The following LSM8 variants were observed in gnomAD, a reference collection of about 807,000 sequenced individuals.
LSM8 encodes the protein LSM8 U6 small nuclear RNA associated.
Under a neutral mutation model 15.0 loss-of-function variants are expected in LSM8, and 14 were observed. The observed-to-expected ratio is 0.93, with a 90% CI of 0.62 to 1.46. LSM8 has a LOEUF of 1.46. Ranked by LOEUF, LSM8 falls within the 40% of genes most tolerant of loss-of-function variation. The pLI, the probability that LSM8 is intolerant of heterozygous loss-of-function variation, is 0.00. For missense variants in LSM8, 90 were observed against 115.4 expected, an observed-to-expected ratio of 0.78 and a Z score of 1.01; for synonymous variants, 50 against 42.1, an observed-to-expected ratio of 1.19 and a Z score of -0.73.
chr7:118,200,806 C>T lies in LSM8; in HGVS notation c.*8804C>T, dbSNP rs1809160215. ...GCAATCAACATTTTAATGGAACGAA[C>T]TGAGGTTTGCAATTGCTAATGTTAT... is the stretch of plus-strand genomic sequence containing the variant. On this transcript the variant is annotated 3_prime_UTR_variant, in exon 4 of 4. Transcript: ENST00000249299. Among the ~76,000 whole-genome samples the T allele has an allele frequency of 6.6e-6, 1 of 152,054 alleles. No individual in the cohort carries two copies. Among genetic ancestry groups the T allele is most frequent in the African/African-American group, 2.4e-5 (1 of 41,426 alleles).
rs778885117 is a variant in LSM8, at chr7:118,191,961, G to A, written c.250G>A (p.Gly84Arg). The A allele has an allele frequency of 6.2e-7, 1 of 1,613,046 alleles. No homozygotes were observed. The highest frequency in any genetic ancestry group is 1.7e-5 in the Admixed American group (1 of 59,884). ...AGAAACAGATTCTGCGCTTGATTTG[G>A]GGAATATTCGAGCAGAACCTTTAAA... Reference protein sequence around the residue: ...DEETDSALDLGNIRAEPLNSV... With the variant: ...DEETDSALDLRNIRAEPLNSV... Residue 84 changes from glycine (G) to arginine (R), a missense_variant, in exon 4 of 4, where the codon GGG becomes AGG. Coordinates refer to ENST00000249299, the MANE Select transcript of LSM8 (RefSeq NM_016200.5).
rs947298409 is a variant in LSM8 at position 118,193,421 on chromosome 7, A to C, written c.*1419A>C. On this transcript the variant is annotated 3_prime_UTR_variant, in exon 4 of 4. Coordinates refer to ENST00000249299, the MANE Select transcript of LSM8 (RefSeq NM_016200.5). ...TTTCATTCATATTTTAAAATATTTTAAACTTCATACTTATTAAACATAATA... is the reference window on the plus strand; with the variant it reads ...TTTCATTCATATTTTAAAATATTTTCAACTTCATACTTATTAAACATAATA... Among the ~76,000 whole-genome samples the C allele has an allele frequency of 6.6e-6, 1 of 152,138 alleles. No individual in the cohort carries two copies. The highest frequency in any genetic ancestry group is 2.1e-4 in the South Asian group (1 of 4,826).
chr7:118,184,209 G>A lies in LSM8; in HGVS notation c.-15G>A, dbSNP rs1359650279. 6.5e-7 allele frequency: 1 copy of A among 1,542,204 alleles called. No homozygotes were observed. The highest frequency in any genetic ancestry group is 2.5e-5 in the East Asian group (1 of 39,382). ...CGGCACCGCTGCGTTACCCGGAACC[G>A]CCGGGCCGAACAGCATGACGTCCGC... On this transcript the variant is annotated 5_prime_UTR_variant, in exon 1 of 4. Coordinates refer to ENST00000249299, the MANE Select transcript of LSM8 (RefSeq NM_016200.5).
In LSM8 at chr7:118,194,193, A is replaced by G. The variant is rs369296402; in HGVS notation, c.*2191A>G. 3.1e-4 allele frequency among the ~76,000 whole-genome samples: 47 copies of G among 152,144 alleles called. 2 individuals are homozygous for G. The highest frequency in any genetic ancestry group is 1.1e-3 in the African/African-American group (45 of 41,542). On this transcript the variant is annotated 3_prime_UTR_variant, in exon 4 of 4. Transcript: ENST00000249299. Reference sequence around the variant, plus strand: ...TTATATTTAATGAGACATTTATTCTATAATCAGTTCTTATTTATAAAGAGG... The same window carrying G: ...TTATATTTAATGAGACATTTATTCTGTAATCAGTTCTTATTTATAAAGAGG...
Position 118,195,170 on chromosome 7 carries a change from C to CTG in LSM8, c.*3172_*3173dup, listed in dbSNP as rs963963657. Among the ~76,000 whole-genome samples the CTG allele has an allele frequency of 6.6e-5, 10 of 152,220 alleles. No individual in the cohort carries two copies. The highest frequency in any genetic ancestry group is 2.4e-4 in the African/African-American group (10 of 41,550). ...GGCCCTACTCGTTGTGGTTCAGCAGCTGTGTAATGGAGCAAAAAGGAATAG... is the reference window on the plus strand; with the variant it reads ...GGCCCTACTCGTTGTGGTTCAGCAGCTGTGTGTAATGGAGCAAAAAGGAATAG... On this transcript the variant is annotated 3_prime_UTR_variant, in exon 4 of 4. Coordinates refer to ENST00000249299, the MANE Select transcript of LSM8 (RefSeq NM_016200.5).
In LSM8 at chr7:118,192,197, C is replaced by T; in HGVS notation, c.*195C>T. ...TTTTGCCTAAATATAAGTTTGGTAG[C>T]TTGGTTTCTTTTTTTTATTAAATAG... is the stretch of plus-strand genomic sequence containing the variant. On this transcript the variant is annotated 3_prime_UTR_variant, in exon 4 of 4. Transcript: ENST00000249299. The T allele has an allele frequency of 2.7e-6, 1 of 374,280 alleles. No homozygotes were observed. The highest frequency in any genetic ancestry group is 4.7e-6 in the Non-Finnish European group (1 of 213,562). The allele number at this position is 374,280 out of a possible 1,614,324, so 23.2% of individuals were successfully genotyped here. A position where few individuals can be genotyped will look rare whatever the true frequency, so the allele number is the denominator to read the frequency against.
rs1022681831 is a variant in LSM8, at chr7:118,193,972, T to C, written c.*1970T>C. Among the ~76,000 whole-genome samples, 2 of 152,134 alleles carry C rather than the reference T, an allele frequency of 1.3e-5. No homozygotes were observed. The highest frequency in any genetic ancestry group is 4.8e-5 in the African/African-American group (2 of 41,462). On this transcript the variant is annotated 3_prime_UTR_variant, in exon 4 of 4. Transcript: ENST00000249299. The stretch of plus-strand genomic sequence containing the variant: ...GGAAAAAGCATTCCCAAAATGTGAA[T>C]TATTGTTTTTATGAATAGTTACAGA...
chr7:118,186,034 C>T (rs541461867), intron 2 of LSM8, among the ~76,000 whole-genome samples: 4 of 152,106 alleles, frequency 2.6e-5, no homozygotes, highest in Admixed American at 2.0e-4. Context: ...TTTGCATATG[C>T]TTAGTAACTT....
rs11543742 is a variant in LSM8, at chr7:118,193,995, A to G, written c.*1993A>G. Reference sequence around the variant, plus strand: ...AATTATTGTTTTTATGAATAGTTACAGAGGATGTGATGACAATATGCCAGA... The same window carrying G: ...AATTATTGTTTTTATGAATAGTTACGGAGGATGTGATGACAATATGCCAGA... On this transcript the variant is annotated 3_prime_UTR_variant, in exon 4 of 4. Transcript: ENST00000249299. Among the ~76,000 whole-genome samples, 109,261 of 151,998 alleles carry G rather than the reference A, an allele frequency of 0.72. 39,545 individuals are homozygous for G. The highest frequency in any genetic ancestry group is 0.85 in the South Asian group (4,084 of 4,826).
In LSM8 at chr7:118,195,260, GTC is replaced by G. The variant is rs1809060674; in HGVS notation, c.*3262_*3263del. Among the ~76,000 whole-genome samples, 1 of 152,154 alleles carries G rather than the reference GTC, an allele frequency of 6.6e-6. No homozygotes were observed. Among genetic ancestry groups the G allele is most frequent in the Non-Finnish European group, 1.5e-5 (1 of 68,018 alleles). Reference sequence around the variant, plus strand: ...ACCTAGCACTTACCTGCTGGGATGAGTCTCTAACCCCACAGAATTGATTTCAA... The same window carrying G: ...ACCTAGCACTTACCTGCTGGGATGAGTCTAACCCCACAGAATTGATTTCAA... On this transcript the variant is annotated 3_prime_UTR_variant, in exon 4 of 4. Transcript: ENST00000249299.
Position 118,199,396 on chromosome 7 carries a change from G to A in LSM8, c.*7394G>A, listed in dbSNP as rs372800911. ...CGTTTAAGGGAACATGAATTTGGAT[G>A]CATTGAACAGAATTGGTAACCTGAA... is the stretch of plus-strand genomic sequence containing the variant. On this transcript the variant is annotated 3_prime_UTR_variant, in exon 4 of 4. Coordinates refer to ENST00000249299, the MANE Select transcript of LSM8 (RefSeq NM_016200.5). Among the ~76,000 whole-genome samples, 45 of 152,278 alleles carry A rather than the reference G, an allele frequency of 3.0e-4. No individual in the cohort carries two copies. Among genetic ancestry groups the A allele is most frequent in the African/African-American group, 1.1e-3 (45 of 41,582 alleles).
chr7:118,196,964 T>G lies in LSM8; in HGVS notation c.*4962T>G, dbSNP rs1381543948. ...GGATGGTCTTGATCTCCTGACCTCGTGATCTGCCCACTTCGGCGTCCCAAA... is the reference window on the plus strand; with the variant it reads ...GGATGGTCTTGATCTCCTGACCTCGGGATCTGCCCACTTCGGCGTCCCAAA... On this transcript the variant is annotated 3_prime_UTR_variant, in exon 4 of 4. Transcript: ENST00000249299. Among the ~76,000 whole-genome samples, 1 of 151,774 alleles carries G rather than the reference T, an allele frequency of 6.6e-6. No individual in the cohort carries two copies. Among genetic ancestry groups the G allele is most frequent in the African/African-American group, 2.4e-5 (1 of 41,330 alleles).
chr7:118,194,936 A>G lies in LSM8; in HGVS notation c.*2934A>G, dbSNP rs1562863517. On this transcript the variant is annotated 3_prime_UTR_variant, in exon 4 of 4. Coordinates refer to ENST00000249299, the MANE Select transcript of LSM8 (RefSeq NM_016200.5). ...GGTCAAGTGACTTGTAAGAGGTAGC[A>G]CTAGTAAGTAACAGTGCTCAAATTC... Among the ~76,000 whole-genome samples the G allele has an allele frequency of 6.6e-6, 1 of 152,174 alleles. No individual in the cohort carries two copies. Among genetic ancestry groups the G allele is most frequent in the Non-Finnish European group, 1.5e-5 (1 of 68,012 alleles).
Position 118,194,447 on chromosome 7 carries a change from T to C in LSM8, c.*2445T>C, listed in dbSNP as rs1809042606. On this transcript the variant is annotated 3_prime_UTR_variant, in exon 4 of 4. Coordinates refer to ENST00000249299, the MANE Select transcript of LSM8 (RefSeq NM_016200.5). ...TTTATGTCAAAGCACTTTGGTAACTTGGCCTCACATGCTGACAGTTTTGGC... is the reference window on the plus strand; with the variant it reads ...TTTATGTCAAAGCACTTTGGTAACTCGGCCTCACATGCTGACAGTTTTGGC... Among the ~76,000 whole-genome samples the C allele has an allele frequency of 6.6e-6, 1 of 151,818 alleles. No individual in the cohort carries two copies. The highest frequency in any genetic ancestry group is 6.6e-5 in the Admixed American group (1 of 15,220).
intron 3 of LSM8, 114 bp downstream of exon 3, chr7:118,188,519 A>T (rs1398248718): frequency 3.1e-6 from 3 of 963,088 alleles, no homozygotes; most frequent in Non-Finnish European, 4.4e-6. Flanking sequence ...AGAATCTTGC[A>T]TTCATTTCTT....
At chr7:118,189,818 GC>G (rs1562862024) in intron 3 of LSM8, 1 of 150,708 alleles carries the variant, frequency 6.6e-6, no homozygotes, top group Non-Finnish European at 1.5e-5. Context: ...CCAAGGTTGC[GC>G]CTTTGCACTC....
chr7:118,202,670 T>G lies in LSM8; in HGVS notation c.*10668T>G, dbSNP rs1017763104. On this transcript the variant is annotated 3_prime_UTR_variant, in exon 4 of 4. Coordinates refer to ENST00000249299, the MANE Select transcript of LSM8 (RefSeq NM_016200.5). The stretch of plus-strand genomic sequence containing the variant: ...AGGCTAGGAAGGTGAGGGATTTTTT[T>G]CCTTTTATAGTGACATTTTGCCACT... Among the ~76,000 whole-genome samples the G allele has an allele frequency of 1.3e-5, 2 of 151,910 alleles. No individual in the cohort carries two copies. The highest frequency in any genetic ancestry group is 2.9e-5 in the Non-Finnish European group (2 of 67,896).
rs1250169698 is a variant in LSM8, at chr7:118,194,350, A to G, written c.*2348A>G. Among the ~76,000 whole-genome samples, 1 of 115,958 alleles carries G rather than the reference A, an allele frequency of 8.6e-6. No homozygotes were observed. The highest frequency in any genetic ancestry group is 1.8e-5 in the Non-Finnish European group (1 of 56,006). 76.1% of individuals were successfully genotyped at this position (115,958 alleles called of 152,430 possible). ...TAAAGTTATTTGGAAAGGGCAATTA[A>G]CTGCAAAAGGGACTTTTTTTTTTTT... is the stretch of plus-strand genomic sequence containing the variant. On this transcript the variant is annotated 3_prime_UTR_variant, in exon 4 of 4. Coordinates refer to ENST00000249299, the MANE Select transcript of LSM8 (RefSeq NM_016200.5).
Position 118,184,274 on chromosome 7 carries a change from C to CA in LSM8, c.31+20_31+21insA, listed in dbSNP as rs1808843349. On this transcript the variant is annotated intron_variant, in intron 1 of 3. Coordinates refer to ENST00000249299, the MANE Select transcript of LSM8 (RefSeq NM_016200.5). ...TCAACCGTATCCTCAAGCTGGCCGC[C>CA]GCGGGCGTGAGCCGGGGTCGCGGAG... 1 of 1,477,606 alleles carries CA rather than the reference C, an allele frequency of 6.8e-7. No individual in the cohort carries two copies. Among genetic ancestry groups the CA allele is most frequent in the Non-Finnish European group, 9.1e-7 (1 of 1,104,398 alleles). 91.5% of individuals were successfully genotyped at this position (1,477,606 alleles called of 1,614,324 possible).
Sources: allele counts gnomAD v4.1 joint callset (sites outside exome capture counted in the v4.1 genomes callset), GRCh38; gene constraint gnomAD v4.1.1; transcripts MANE v1.5; gene names NCBI Gene and HGNC (gene_info 2026-07-23, HGNC 2026-07-21).